SESN1: variants seen among roughly 807,000 people sequenced by gnomAD.
SESN1 encodes the protein sestrin-1.
Under a neutral mutation model 59.3 loss-of-function variants are expected in SESN1, and 30 were observed. That is an observed-to-expected ratio of 0.51 (90% CI 0.38 to 0.69). The LOEUF (loss-of-function observed/expected upper bound fraction) is 0.69, where lower values mean the gene tolerates loss of function less well. SESN1 is among the 30% of genes least tolerant of loss of function. The pLI, the probability that SESN1 is intolerant of heterozygous loss-of-function variation, is 0.00. For missense variants in SESN1, 566 were observed against 673.0 expected (o/e 0.84, Z 1.76); for synonymous variants, 197 against 219.9 (o/e 0.90, Z 0.92).
intron 1 of SESN1, among the ~76,000 whole-genome samples, chr6:109,055,110 CT>C (rs980799635): frequency 3.3e-5 from 5 of 152,178 alleles, no homozygotes; most frequent in African/African-American, 1.2e-4. Flanking sequence ...TCACCTCTAC[CT>C]GCTAATAGCT....
At chr6:109,079,273 C>T (rs1295808254) in intron 1 of SESN1, among the ~76,000 whole-genome samples, 1 of 150,860 alleles carries the variant, frequency 6.6e-6, no homozygotes, top group East Asian at 1.9e-4. Context: ...ATGCAAGATA[C>T]GTTTAAATCT....
chr6:109,003,031 G>A lies in SESN1; in HGVS notation c.280-688C>T, dbSNP rs1779660356. Reference sequence around the variant, plus strand: ...ATAGTTTTCTGACATTTGACACAGTGACTCTAGAATCCTGTACCTTATGTG... The same window carrying A: ...ATAGTTTTCTGACATTTGACACAGTAACTCTAGAATCCTGTACCTTATGTG... On this transcript the variant is annotated intron_variant, in intron 1 of 9. Coordinates refer to ENST00000436639, the MANE Select transcript of SESN1 (RefSeq NM_014454.3). 2.0e-5 allele frequency among the ~76,000 whole-genome samples: 3 copies of A among 151,978 alleles called. No individual in the cohort carries two copies. The South Asian group carries it at 6.2e-4, about 31-fold the overall frequency.
chr6:108,995,471 A>C (rs551960671), intron 5 of SESN1, among the ~76,000 whole-genome samples: 93 of 152,348 alleles, frequency 6.1e-4, no homozygotes, highest in African/African-American at 1.9e-3. Context: ...TGACTAGAGC[A>C]GTGTCACACA....
chr6:109,043,898 G>T (rs1780379840), intron 1 of SESN1, among the ~76,000 whole-genome samples: 2 of 152,282 alleles, frequency 1.3e-5, no homozygotes, highest in Admixed American at 1.3e-4. Flanking sequence ...CTGTTTTCAT[G>T]ACTTATTATA....
At chr6:108,990,558 T>C in intron 8 of SESN1, 87 bp downstream of exon 8, 3 of 1,155,228 alleles carry the variant, frequency 2.6e-6, no homozygotes, top group Non-Finnish European at 3.8e-6. Flanking sequence ...TGATTATGTG[T>C]GTGTCTATGT....
chr6:109,018,232 G>A (rs1201807871), intron 1 of SESN1, among the ~76,000 whole-genome samples: 2 of 152,138 alleles, frequency 1.3e-5, no homozygotes, highest in African/African-American at 4.8e-5. Context: ...ACCTACAAAT[G>A]TATATCAACA....
At chr6:108,994,796 A>G (rs9486985) in intron 5 of SESN1, among the ~76,000 whole-genome samples, 187 bp from the exon 6 acceptor site, 61,261 of 146,896 alleles carry the variant, frequency 0.42, 13,324 homozygotes, top group African/African-American at 0.55. Context: ...TCCACCTCCC[A>G]GGTTCACGCC....
chr6:109,023,782 G>A (rs1191227683), intron 1 of SESN1, among the ~76,000 whole-genome samples: 1 of 152,090 alleles, frequency 6.6e-6, no homozygotes, highest in Non-Finnish European at 1.5e-5. Context: ...TAAACAAAAT[G>A]TAACATTTTA....
At chr6:109,025,779 T>C (rs901744849) in intron 1 of SESN1, among the ~76,000 whole-genome samples, 8 of 151,682 alleles carry the variant, frequency 5.3e-5, no homozygotes, top group African/African-American at 1.9e-4. Flanking sequence ...ATATAGCACA[T>C]ACAGCAAAGA....
intron 1 of SESN1, among the ~76,000 whole-genome samples, chr6:109,087,115 A>T (rs1781225790): frequency 6.6e-6 from 1 of 152,234 alleles, no homozygotes. Context: ...TGGGCGACAG[A>T]GCAAGACAGC....
intron 1 of SESN1, among the ~76,000 whole-genome samples, chr6:109,046,735 G>A (rs1327429925): frequency 3.8e-5 from 5 of 131,240 alleles, no homozygotes; most frequent in African/African-American, 5.8e-5. Flanking sequence ...CTGCCCCGCC[G>A]CCCCATCTGG....
In SESN1 at chr6:109,000,632, A is replaced by G. The variant is rs1779598978; in HGVS notation, c.588T>C (p.His196=). The change falls in exon 4 of 10, where the codon CAT becomes CAC. Residue 196 remains histidine, a synonymous_variant. Coordinates refer to ENST00000436639, the MANE Select transcript of SESN1 (RefSeq NM_014454.3). ...RHQCSYLVNL[H]VNDFLHVGGD... is the part of the protein sequence containing the mutation. Reference sequence around the variant, plus strand: ...CACCAACATGAAGGAAATCATTTACATGCAGGTTCACTAAGTAGGAGCACT... The same window carrying G: ...CACCAACATGAAGGAAATCATTTACGTGCAGGTTCACTAAGTAGGAGCACT... The G allele has an allele frequency of 6.2e-7, 1 of 1,610,752 alleles. No homozygotes were observed.
chr6:109,008,997 A>T, intron 1 of SESN1: 6 of 1,018,668 alleles, frequency 5.9e-6, no homozygotes, highest in Non-Finnish European at 7.1e-6. Flanking sequence ...CACCCTCAAG[A>T]CTCGAGGTCT....
intron 5 of SESN1, among the ~76,000 whole-genome samples, chr6:108,997,272 C>G (rs1190619768): frequency 1.3e-5 from 2 of 152,148 alleles, no homozygotes; most frequent in Non-Finnish European, 2.9e-5. Flanking sequence ...CAATCAAGTA[C>G]TTTTTTCTTT....
Position 108,994,698 on chromosome 6 carries a change from CTTTTTTTTTTTTT to C in SESN1, c.973-102_973-90del, listed in dbSNP as rs11395949. ...AAGTCTGTCTCATAAGAATTTATAT[CTTTTTTTTTTTTT>C]TTTTTTTTTGAGACAGAGTCTTGCT... is the stretch of plus-strand genomic sequence containing the variant. On this transcript the variant is annotated intron_variant, in intron 5 of 9. Coordinates refer to ENST00000436639, the MANE Select transcript of SESN1 (RefSeq NM_014454.3). The C allele has an allele frequency of 2.4e-5, 7 of 293,034 alleles. No individual in the cohort carries two copies. The South Asian group carries it at 2.5e-4, about 11-fold the overall frequency. 18.2% of individuals were successfully genotyped at this position (293,034 alleles called of 1,614,324 possible).
chr6:109,065,251 G>T (rs1397395804), intron 1 of SESN1, among the ~76,000 whole-genome samples: 3 of 149,164 alleles, frequency 2.0e-5, no homozygotes, highest in African/African-American at 7.7e-5. Context: ...GTTCTTATAG[G>T]TTTATAAAAA....
chr6:109,073,927 C>T (rs9480901), intron 1 of SESN1, among the ~76,000 whole-genome samples: 209 of 152,134 alleles, frequency 1.4e-3, no homozygotes, highest in African/African-American at 4.8e-3. Flanking sequence ...AAGCATAAAC[C>T]ACTGCCAAGA....
intron 1 of SESN1, among the ~76,000 whole-genome samples, chr6:109,056,191 A>C (rs953261950): frequency 6.6e-6 from 1 of 152,186 alleles, no homozygotes; most frequent in African/African-American, 2.4e-5. Context: ...AAGATTGCTT[A>C]AGCCCAGGAG....
chr6:109,006,998 G>A (rs777745552), intron 1 of SESN1, among the ~76,000 whole-genome samples: 1 of 152,210 alleles, frequency 6.6e-6, no homozygotes, highest in South Asian at 2.1e-4. Context: ...AGCAGATGTA[G>A]ATACTAATCA....
Sources: allele counts gnomAD v4.1 joint callset (sites outside exome capture counted in the v4.1 genomes callset), GRCh38; gene constraint gnomAD v4.1.1; transcripts MANE v1.5; gene names NCBI Gene and HGNC (gene_info 2026-07-23, HGNC 2026-07-21).